Variants in PTPRJ observed in about 807,000 individuals in gnomAD.
PTPRJ encodes protein tyrosine phosphatase receptor type J.
PTPRJ carries 129 observed loss-of-function variants against 141.3 expected under a neutral mutation model. The ratio of observed to expected loss-of-function variants is 0.91; its 90% CI spans 0.79 to 1.06. The LOEUF is 1.06. Among genes scored for constraint, PTPRJ ranks in the 50% least tolerant of loss-of-function variants. PTPRJ has a pLI of 0.00. For synonymous variants in PTPRJ, 610 were observed against 640.5 expected (o/e 0.95, Z 0.72); for missense variants, 1,601 against 1,679.7 (o/e 0.95, Z 0.82).
chr11:48,012,532 TACACA>T (rs1854828710), intron 1 of PTPRJ, among the ~76,000 whole-genome samples: 1 of 152,120 alleles, frequency 6.6e-6, no homozygotes, highest in South Asian at 2.1e-4. Context: ...CTCTGTCTTT[TACACA>T]GCAAGTGTAA....
At chr11:48,126,805 C>A (rs1409836984) in intron 6 of PTPRJ, among the ~76,000 whole-genome samples, 8 of 141,342 alleles carry the variant, frequency 5.7e-5, no homozygotes, top group African/African-American at 2.0e-4. Flanking sequence ...CACACACACA[C>A]ACACACACAC....
chr11:48,070,675 C>T (rs1426058010), intron 1 of PTPRJ, among the ~76,000 whole-genome samples: 1 of 152,120 alleles, frequency 6.6e-6, no homozygotes, highest in Admixed American at 6.5e-5. Context: ...TTTAATTCAC[C>T]TGAGTAATAC....
chr11:48,139,910 T>G, intron 11 of PTPRJ, 134 bp downstream of exon 11: 2 of 920,412 alleles, frequency 2.2e-6, no homozygotes, highest in Non-Finnish European at 3.2e-6. Flanking sequence ...TTGCTTTTAC[T>G]GACATAGACT....
At chr11:48,075,772 C>T (rs1173211993) in intron 1 of PTPRJ, among the ~76,000 whole-genome samples, 6 of 152,178 alleles carry the variant, frequency 3.9e-5, no homozygotes, top group Non-Finnish European at 7.3e-5. Flanking sequence ...TGTTATGTCC[C>T]TTCCCTTGGT....
At chr11:47,996,938 G>A (rs775980835) in intron 1 of PTPRJ, among the ~76,000 whole-genome samples, 81 of 152,314 alleles carry the variant, frequency 5.3e-4, no homozygotes, top group Non-Finnish European at 2.1e-4. Flanking sequence ...CCAGCCTTTC[G>A]ATGTCTTTTG....
intron 1 of PTPRJ, among the ~76,000 whole-genome samples, chr11:47,983,540 C>G (rs2134170618): frequency 6.6e-6 from 1 of 152,278 alleles, no homozygotes; most frequent in Admixed American, 6.5e-5. Context: ...GCTTAGTAGG[C>G]CCGGAAAAGC....
At chr11:48,008,902 T>C (rs2134199201) in intron 1 of PTPRJ, among the ~76,000 whole-genome samples, 1 of 152,278 alleles carries the variant, frequency 6.6e-6, no homozygotes, top group East Asian at 1.9e-4. Flanking sequence ...AATAGAGAAA[T>C]CAACCCAGTA....
chr11:48,025,505 TAGTC>T (rs1853783555), intron 1 of PTPRJ, among the ~76,000 whole-genome samples: 1 of 152,152 alleles, frequency 6.6e-6, no homozygotes, highest in South Asian at 2.1e-4. Context: ...AGGTGGGTGT[TAGTC>T]ACCATCCAGA....
At chr11:48,078,877 A>T (rs1855487012) in intron 1 of PTPRJ, among the ~76,000 whole-genome samples, 1 of 142,854 alleles carries the variant, frequency 7.0e-6, no homozygotes, top group Non-Finnish European at 1.5e-5. Context: ...TCACACAATC[A>T]TGCCAGCCCT....
intron 1 of PTPRJ, among the ~76,000 whole-genome samples, chr11:48,032,100 C>T (rs1308210068): frequency 6.6e-6 from 1 of 152,180 alleles, no homozygotes; most frequent in Non-Finnish European, 1.5e-5. Flanking sequence ...TTTGCTGCTG[C>T]TGCTGCTACT....
At chr11:48,077,833 C>A (rs184947338) in intron 1 of PTPRJ, among the ~76,000 whole-genome samples, 1 of 152,134 alleles carries the variant, frequency 6.6e-6, no homozygotes, top group African/African-American at 2.4e-5. Context: ...TGTTCTCCAG[C>A]GATTTGTAAC....
At chr11:48,026,218 C>A (rs1448334587) in intron 1 of PTPRJ, among the ~76,000 whole-genome samples, 2 of 152,168 alleles carry the variant, frequency 1.3e-5, no homozygotes, top group Non-Finnish European at 2.9e-5. Flanking sequence ...GGGCAACAGT[C>A]AACAGAGGCT....
intron 1 of PTPRJ, among the ~76,000 whole-genome samples, chr11:48,086,036 C>G (rs1855697362): frequency 6.6e-6 from 1 of 152,090 alleles, no homozygotes; most frequent in Non-Finnish European, 1.5e-5. Flanking sequence ...TTCTTGGAAC[C>G]TCCACTTGTT....
intron 1 of PTPRJ, among the ~76,000 whole-genome samples, chr11:48,048,771 G>T (rs1854475318): frequency 6.6e-6 from 1 of 152,186 alleles, no homozygotes; most frequent in Non-Finnish European, 1.5e-5. Flanking sequence ...TCCAGCCTGG[G>T]TGACAGAGCG....
At chr11:48,081,500 G>A (rs1855556441) in intron 1 of PTPRJ, among the ~76,000 whole-genome samples, 3 of 152,172 alleles carry the variant, frequency 2.0e-5, no homozygotes, top group South Asian at 4.1e-4. Context: ...GGTGGCCGCC[G>A]AGGACCATTG....
chr11:48,105,527 G>A (rs1049951263), intron 1 of PTPRJ, among the ~76,000 whole-genome samples: 39 of 152,164 alleles, frequency 2.6e-4, no homozygotes, highest in African/African-American at 8.9e-4. Context: ...TGTGTTGTTC[G>A]AGTCTCAGGA....
chr11:47,990,124 C>T (rs548665082), intron 1 of PTPRJ, among the ~76,000 whole-genome samples: 2 of 152,048 alleles, frequency 1.3e-5, no homozygotes, highest in South Asian at 2.1e-4. Flanking sequence ...CCAGCCTGGG[C>T]GACAGACTGA....
At chr11:48,007,402 C>T (rs773259716) in intron 1 of PTPRJ, among the ~76,000 whole-genome samples, 5 of 151,834 alleles carry the variant, frequency 3.3e-5, no homozygotes, top group Non-Finnish European at 5.9e-5. Context: ...AGCCACCACA[C>T]GGGGCCAGGC....
intron 1 of PTPRJ, among the ~76,000 whole-genome samples, chr11:48,060,997 C>T (rs1034202508): frequency 6.6e-6 from 1 of 152,150 alleles, no homozygotes; most frequent in Admixed American, 6.5e-5. Flanking sequence ...ATCTCTTCTT[C>T]TCCTTTCTTT....
Sources: gnomAD v4.1 joint callset for allele counts (sites outside exome capture counted in the v4.1 genomes callset) on GRCh38, gnomAD v4.1.1 for gene constraint, MANE v1.5 for transcripts, NCBI Gene and HGNC (gene_info 2026-07-23, HGNC 2026-07-21) for gene names.